Variants in TIMD4 observed in about 807,000 individuals in gnomAD.
The protein encoded by TIMD4 is T cell immunoglobulin and mucin domain containing 4.
In TIMD4, 31 loss-of-function variants were observed where a neutral mutation model predicts 41.2. That is an observed-to-expected ratio of 0.75 (90% CI 0.57 to 1.01). The LOEUF (loss-of-function observed/expected upper bound fraction) is 1.01, where lower values mean the gene tolerates loss of function less well. Ranked by LOEUF, TIMD4 falls within the 50% of genes least tolerant of loss-of-function variation. TIMD4 has a pLI of 0.00. For missense variants in TIMD4, 479 were observed against 472.5 expected (o/e 1.01, Z -0.13); for synonymous variants, 204 against 177.1 (o/e 1.15, Z -1.21).
intron 5 of TIMD4, among the ~76,000 whole-genome samples, chr5:156,935,832 G>A (rs1288389039): frequency 1.3e-5 from 2 of 152,208 alleles, no homozygotes; most frequent in Non-Finnish European, 2.9e-5. Flanking sequence ...TGTGCCAATA[G>A]CTGAGGGTCT....
chr5:156,937,187 T>G (rs1480815868), intron 5 of TIMD4, among the ~76,000 whole-genome samples: 1 of 152,136 alleles, frequency 6.6e-6, no homozygotes, highest in Non-Finnish European at 1.5e-5. Flanking sequence ...GGTCCATATC[T>G]TGCCCAAGGC....
In TIMD4 at chr5:156,954,455, G is replaced by T. The variant is rs754624689; in HGVS notation, c.360C>A (p.Phe120Leu). The stretch of plus-strand genomic sequence containing the variant: ...GGCGCACGTTTATCTTTACATCGTT[G>T]AACCAGCCAGGCACTTCTATGCGGC... The part of the protein sequence containing the change: ...YCCRIEVPGW[F>L]NDVKINVRLN... Residue 120 changes from phenylalanine (F) to leucine (L), a missense_variant, in exon 2 of 9, where the codon TTC (phenylalanine) becomes TTA (leucine). Coordinates refer to ENST00000274532, the MANE Select transcript of TIMD4 (RefSeq NM_138379.3). The T allele has an allele frequency of 6.2e-7, 1 of 1,614,174 alleles. No individual in the cohort carries two copies. The highest frequency in any genetic ancestry group is 1.1e-5 in the South Asian group (1 of 91,072).
At chr5:156,948,696 A>AGGTGT (rs1759792565) in intron 4 of TIMD4, among the ~76,000 whole-genome samples, 197 bp from the exon 5 acceptor site, 1 of 152,246 alleles carries the variant, frequency 6.6e-6, no homozygotes, top group Non-Finnish European at 1.5e-5. Flanking sequence ...AACACAGGAT[A>AGGTGT]GGTGTTATTC....
At chr5:156,942,162 T>C (rs1286244352) in intron 5 of TIMD4, among the ~76,000 whole-genome samples, 2 of 152,194 alleles carry the variant, frequency 1.3e-5, no homozygotes, top group Non-Finnish European at 2.9e-5. Flanking sequence ...GCATTCAACT[T>C]GAATTTGTGC....
chr5:156,929,661 A>G (rs1197804421), intron 5 of TIMD4, among the ~76,000 whole-genome samples: 8 of 152,230 alleles, frequency 5.3e-5, no homozygotes, highest in African/African-American at 1.9e-4. Flanking sequence ...TAGAGCCTCC[A>G]AGGAGAGCAT....
At position 156,922,266 on chromosome 5, in the gene TIMD4, C is replaced by A. The variant is rs1451255191; in HGVS notation, c.895-50G>T. 3 of 1,406,058 alleles carry A rather than the reference C, an allele frequency of 2.1e-6. No individual in the cohort carries two copies. In the East Asian group the frequency reaches 6.9e-5, roughly 32 times the overall value. The allele number at this position is 1,406,058 out of a possible 1,614,324, so 87.1% of individuals were successfully genotyped here. A position where few individuals can be genotyped will look rare whatever the true frequency, so the allele number is the denominator to read the frequency against. ...GGACCCAGTCACTGCTAGATGCCAC[C>A]CTCACAAGATGACATCCCAGCCCAA... On this transcript the variant is annotated intron_variant, in intron 6 of 8. Coordinates refer to ENST00000274532, the MANE Select transcript of TIMD4 (RefSeq NM_138379.3).
chr5:156,920,934 T>C (rs955001159), intron 7 of TIMD4, among the ~76,000 whole-genome samples: 1 of 152,234 alleles, frequency 6.6e-6, no homozygotes, highest in African/African-American at 2.4e-5. Flanking sequence ...ACAAGTTTCA[T>C]TATTATTCAA....
intron 5 of TIMD4, among the ~76,000 whole-genome samples, chr5:156,941,366 T>C (rs1411237880): frequency 6.6e-6 from 1 of 152,124 alleles, no homozygotes; most frequent in Non-Finnish European, 1.5e-5. Context: ...TGAAATAAAA[T>C]ATAAATTCTT....
chr5:156,931,278 T>G (rs1482493904), intron 5 of TIMD4, among the ~76,000 whole-genome samples: 2 of 152,190 alleles, frequency 1.3e-5, no homozygotes, highest in Non-Finnish European at 2.9e-5. Context: ...GTTAAGCCAG[T>G]AAGTTTGAGG....
At chr5:156,925,681 C>T (rs965816844) in intron 6 of TIMD4, among the ~76,000 whole-genome samples, 7 of 152,194 alleles carry the variant, frequency 4.6e-5, no homozygotes, top group South Asian at 2.1e-4. Context: ...GTCACGCAGA[C>T]GGAACACACA....
intron 5 of TIMD4, among the ~76,000 whole-genome samples, chr5:156,945,514 C>T (rs188707804): frequency 1.2e-3 from 175 of 152,140 alleles, no homozygotes; most frequent in Admixed American, 2.9e-3. Context: ...AATGCAAAAA[C>T]GCTGAGCACA....
At chr5:156,947,386 A>C (rs770110116) in intron 5 of TIMD4, among the ~76,000 whole-genome samples, 5 of 152,196 alleles carry the variant, frequency 3.3e-5, no homozygotes, top group Admixed American at 6.5e-5. Flanking sequence ...AAGCTATTAA[A>C]TTTAAAGGTG....
At chr5:156,927,694 A>G (rs1301651580) in intron 5 of TIMD4, among the ~76,000 whole-genome samples, 1 of 152,198 alleles carries the variant, frequency 6.6e-6, no homozygotes, top group East Asian at 1.9e-4. Context: ...GGATATGGAC[A>G]TTGAATGTGG....
chr5:156,944,495 CTTTTTTTTTTTTTT>C (rs5872492), intron 5 of TIMD4, among the ~76,000 whole-genome samples: 3 of 69,096 alleles, frequency 4.3e-5, no homozygotes, highest in African/African-American at 1.8e-4. Flanking sequence ...GCTGTGTGAT[CTTTTTTTTTTTTTT>C]TTTTTTTTTT....
At chr5:156,930,527 C>T (rs916019167) in intron 5 of TIMD4, among the ~76,000 whole-genome samples, 2 of 152,182 alleles carry the variant, frequency 1.3e-5, no homozygotes, top group Non-Finnish European at 2.9e-5. Flanking sequence ...GTGATTTGCA[C>T]TGAATGTAGA....
intron 4 of TIMD4, among the ~76,000 whole-genome samples, chr5:156,948,829 C>A: frequency 6.6e-6 from 1 of 152,218 alleles, no homozygotes; most frequent in Admixed American, 6.5e-5. Context: ...ACATAAATCA[C>A]TCTATCATAC....
chr5:156,951,334 A>G (rs997340373), intron 3 of TIMD4, among the ~76,000 whole-genome samples, 178 bp downstream of exon 3: 1 of 152,078 alleles, frequency 6.6e-6, no homozygotes, highest in Non-Finnish European at 1.5e-5. Context: ...CAGTGCGAAA[A>G]TAAATTTCTG....
chr5:156,951,758 T>A lies in TIMD4; in HGVS notation c.433A>T (p.Thr145Ser). The change falls in exon 3 of 9, where the codon ACC becomes TCC. Residue 145 changes from threonine (T) to serine (S), a missense_variant. Transcript: ENST00000274532. ...CTTGTTGTTGTTGTTCTGCGTGTGG[T>A]GGTGGTTGCTGTTCTGTGCGTGGTT... The part of the protein sequence containing the change: ...STTTHRTATT[T>S]TRRTTTTSPT... 1 of 1,614,032 alleles carries A rather than the reference T, an allele frequency of 6.2e-7. No individual in the cohort carries two copies. The highest frequency in any genetic ancestry group is 8.5e-7 in the Non-Finnish European group (1 of 1,179,982).
At chr5:156,942,327 G>A (rs1759664415) in intron 5 of TIMD4, among the ~76,000 whole-genome samples, 1 of 152,152 alleles carries the variant, frequency 6.6e-6, no homozygotes, top group Non-Finnish European at 1.5e-5. Flanking sequence ...ACTCTGCACG[G>A]GGTCAGGACC....
Sources: gnomAD v4.1 joint callset for allele counts (sites outside exome capture counted in the v4.1 genomes callset) on GRCh38, gnomAD v4.1.1 for gene constraint, MANE v1.5 for transcripts, NCBI Gene and HGNC (gene_info 2026-07-23, HGNC 2026-07-21) for gene names.